The following DHX40 variants were observed in gnomAD, a reference collection of about 807,000 sequenced individuals.
DHX40 encodes the protein probable ATP-dependent RNA helicase DHX40.
Under a neutral mutation model 89.6 loss-of-function variants are expected in DHX40, and 28 were observed. The ratio of observed to expected loss-of-function variants is 0.31; its 90% CI spans 0.23 to 0.43. The LOEUF is 0.43. Among genes scored for constraint, DHX40 ranks in the 20% least tolerant of loss-of-function variants. The probability of loss-of-function intolerance (pLI) is 1.00; values close to 1 mark genes in which losing one functional copy is unlikely to be tolerated. For synonymous variants in DHX40, 226 were observed against 283.6 expected, an observed-to-expected ratio of 0.80 and a Z score of 2.04; for missense variants, 457 against 844.0, an observed-to-expected ratio of 0.54 and a Z score of 5.68.
chr17:59,594,598 G>T (rs1384356881), intron 12 of DHX40, among the ~76,000 whole-genome samples: 1 of 147,890 alleles, frequency 6.8e-6, no homozygotes, highest in East Asian at 2.0e-4. Flanking sequence ...TTCACTAGTT[G>T]CAAACGTACA....
chr17:59,592,480 C>T (rs1472971775), intron 12 of DHX40, among the ~76,000 whole-genome samples: 2 of 147,848 alleles, frequency 1.4e-5, no homozygotes, highest in Non-Finnish European at 3.0e-5. Context: ...TCCCTCAGTG[C>T]CACTTCTTAG....
chr17:59,574,491 T>C (rs1309411416), intron 6 of DHX40, among the ~76,000 whole-genome samples: 2 of 151,396 alleles, frequency 1.3e-5, no homozygotes, highest in Non-Finnish European at 1.5e-5. Context: ...CATAATAGTA[T>C]GTATATATAT....
At chr17:59,602,994 G>A (rs2030626701) in intron 15 of DHX40, among the ~76,000 whole-genome samples, 2 of 152,168 alleles carry the variant, frequency 1.3e-5, no homozygotes, top group South Asian at 2.1e-4. Context: ...GAGCAAGGTG[G>A]GGAGGGGTTA....
chr17:59,588,266 AT>A (rs1310571774), intron 12 of DHX40, among the ~76,000 whole-genome samples: 2 of 148,840 alleles, frequency 1.3e-5, no homozygotes, highest in Non-Finnish European at 3.0e-5. Flanking sequence ...AATAGACTTT[AT>A]TTTTTAGAGC....
At chr17:59,573,675 T>G (rs907996229) in intron 4 of DHX40, 65 bp from the exon 5 acceptor site, 1 of 1,499,534 alleles carries the variant, frequency 6.7e-7, no homozygotes, top group African/African-American at 1.4e-5. Flanking sequence ...AGAATAGCAG[T>G]GTATCTAAAA....
chr17:59,607,104 G>A lies in DHX40; in HGVS notation c.2272G>A (p.Ala758Thr). Residue 758 changes from alanine (A) to threonine (T), a missense_variant, in exon 18 of 18, where the codon GCT becomes ACT. Ala to Thr is a moderately conservative substitution (Grantham distance 58, BLOSUM62 0). This residue lies in a region of DHX40 where 120 missense variants were observed against 161.7 expected (regional missense o/e 0.74). Transcript: ENST00000251241. ...NDDKSISDAR[A>T]RFLERKQQRT... is the part of the protein sequence containing the mutation. ...TGACAAATCCATATCTGATGCACGGGCTCGTTTCCTTGAGAGAAAGCAGCA... is the reference window on the plus strand; with the variant it reads ...TGACAAATCCATATCTGATGCACGGACTCGTTTCCTTGAGAGAAAGCAGCA... 3 of 1,614,152 alleles carry A rather than the reference G, an allele frequency of 1.9e-6. No homozygotes were observed. Among genetic ancestry groups the A allele is most frequent in the Non-Finnish European group, 2.5e-6 (3 of 1,180,032 alleles).
At chr17:59,565,813 G>T (rs776578540) in intron 1 of DHX40, 30 bp downstream of exon 1, 6 of 1,566,552 alleles carry the variant, frequency 3.8e-6, no homozygotes, top group African/African-American at 2.7e-5. Flanking sequence ...ACGGAAGCCA[G>T]CGGGAGTTAC....
chr17:59,607,151 C>G lies in DHX40; in HGVS notation c.2319C>G (p.Asp773Glu), dbSNP rs1413933429. 6.2e-7 allele frequency: 1 copy of G among 1,614,022 alleles called. No homozygotes were observed. Among genetic ancestry groups the G allele is most frequent in the Non-Finnish European group, 8.5e-7 (1 of 1,180,038 alleles). ...AGCAGAGGACCCAGGACCACAGTGA[C>G]ACACGAAAGGAAACAGGCTAAGGTG... is the stretch of plus-strand genomic sequence containing the variant. ...RKQQRTQDHS[D>E]TRKETG Residue 773 changes from aspartate to glutamate, a missense_variant, in exon 18 of 18, where the codon GAC becomes GAG. By Grantham distance (45) the Asp-to-Glu change is conservative (BLOSUM62 2). This residue lies in a region of DHX40 where 120 missense variants were observed against 161.7 expected (regional missense o/e 0.74). Coordinates refer to ENST00000251241, the MANE Select transcript of DHX40 (RefSeq NM_024612.5).
intron 2 of DHX40, 67 bp downstream of exon 2, chr17:59,566,861 A>G (rs2048712501): frequency 7.3e-7 from 1 of 1,364,234 alleles, no homozygotes; most frequent in Non-Finnish European, 9.8e-7. Context: ...GGCCAGTAGG[A>G]CTTCTGTACT....
intron 2 of DHX40, among the ~76,000 whole-genome samples, chr17:59,567,141 A>G (rs2048717419): frequency 6.6e-6 from 1 of 152,236 alleles, no homozygotes; most frequent in Admixed American, 6.5e-5. Flanking sequence ...TGTTGCTGCC[A>G]TTAGTACTTC....
At chr17:59,566,220 A>C (rs1247262321) in intron 1 of DHX40, among the ~76,000 whole-genome samples, 1 of 152,122 alleles carries the variant, frequency 6.6e-6, no homozygotes, top group Non-Finnish European at 1.5e-5. Context: ...ACCTAACTTG[A>C]ACCATGAATC....
intron 2 of DHX40, among the ~76,000 whole-genome samples, chr17:59,567,384 G>A (rs901555058): frequency 3.9e-5 from 6 of 152,184 alleles, no homozygotes; most frequent in Admixed American, 3.9e-4. Context: ...GAGAAATCAG[G>A]AGAAAGAGAT....
At chr17:59,571,830 C>T (rs2048813715) in intron 3 of DHX40, among the ~76,000 whole-genome samples, 1 of 152,130 alleles carries the variant, frequency 6.6e-6, no homozygotes, top group African/African-American at 2.4e-5. Context: ...CTCGGCCTCC[C>T]AAAGTGCTGG....
At chr17:59,600,406 A>C (rs1282351391) in intron 14 of DHX40, among the ~76,000 whole-genome samples, 3 of 151,838 alleles carry the variant, frequency 2.0e-5, no homozygotes, top group Non-Finnish European at 4.4e-5. Context: ...TTGAAGACTT[A>C]CTGTATATAA....
chr17:59,602,939 T>C (rs958926471), intron 15 of DHX40, among the ~76,000 whole-genome samples: 9 of 152,146 alleles, frequency 5.9e-5, no homozygotes, highest in African/African-American at 2.2e-4. Context: ...AGGTTGAGCA[T>C]AGCATCCCTG....
rs2030930839 is a variant in DHX40, at chr17:59,607,330, T to A, written c.*158T>A. ...ATCAAAGCTCATAAATCAAAGCTCA[T>A]CAGTTCCCATAAATGCAGTTGTCAA... On this transcript the variant is annotated 3_prime_UTR_variant, in exon 18 of 18. Coordinates refer to ENST00000251241, the MANE Select transcript of DHX40 (RefSeq NM_024612.5). 7.0e-7 allele frequency: 1 copy of A among 1,436,094 alleles called. No homozygotes were observed. Among genetic ancestry groups the A allele is most frequent in the South Asian group, 1.2e-5 (1 of 83,218 alleles). 89.0% of individuals were successfully genotyped at this position (1,436,094 alleles called of 1,614,324 possible). A position where few individuals can be genotyped will look rare whatever the true frequency, so the allele number is the denominator to read the frequency against.
intron 2 of DHX40, among the ~76,000 whole-genome samples, chr17:59,567,443 C>G (rs1343511868): frequency 6.6e-6 from 1 of 152,192 alleles, no homozygotes; most frequent in Non-Finnish European, 1.5e-5. Flanking sequence ...CAAGAAGTTT[C>G]CTCTGCTTTA....
rs1340455842 is a variant in DHX40, at chr17:59,598,108, C to T, written c.1583-629C>T. 2.0e-5 allele frequency among the ~76,000 whole-genome samples: 3 copies of T among 152,032 alleles called. No individual in the cohort carries two copies. The East Asian group carries it at 5.9e-4, about 30-fold the overall frequency. On this transcript the variant is annotated intron_variant, in intron 12 of 17. Coordinates refer to ENST00000251241, the MANE Select transcript of DHX40 (RefSeq NM_024612.5). ...TCTTGACCTCCTGGGCTCAATTGAT[C>T]CACTTGCCTTGGCCTTTGAAATTGC...
At chr17:59,586,088 G>A (rs2697396) in intron 10 of DHX40, 65 bp from the exon 11 acceptor site, 155 of 1,196,876 alleles carry the variant, frequency 1.3e-4, no homozygotes, top group Middle Eastern at 5.8e-4. Context: ...TTTTCGTCAT[G>A]TCTATATAAA....
Sources: allele counts gnomAD v4.1 joint callset (sites outside exome capture counted in the v4.1 genomes callset), GRCh38; gene constraint gnomAD v4.1.1; regional missense constraint gnomAD v4.1.1; transcripts MANE v1.5; gene names NCBI Gene and HGNC (gene_info 2026-07-23, HGNC 2026-07-21).